PPL: variants seen among roughly 807,000 people sequenced by gnomAD.
PPL encodes periplakin.
In PPL, 198 loss-of-function variants were observed where a neutral mutation model predicts 194.4. The ratio of observed to expected loss-of-function variants is 1.02; its 90% CI spans 0.91 to 1.15. The LOEUF is 1.15. PPL is among the 50% of genes most tolerant of loss of function. PPL has a pLI of 0.00. For missense variants in PPL, 2,885 were observed against 2,294.8 expected, an observed-to-expected ratio of 1.26 and a Z score of -5.25; for synonymous variants, 1,220 against 972.4, an observed-to-expected ratio of 1.25 and a Z score of -4.74.
chr16:4,902,418 C>G lies in PPL; in HGVS notation c.426G>C (p.Val142=), dbSNP rs772718159. The G allele has an allele frequency of 6.2e-7, 1 of 1,614,028 alleles. No individual in the cohort carries two copies. Among genetic ancestry groups the G allele is most frequent in the East Asian group, 2.2e-5 (1 of 44,884 alleles). The change falls in exon 4 of 22, where the codon GTG becomes GTC. Residue 142 remains valine, a synonymous_variant. Transcript: ENST00000345988. The surrounding 1 kb of genome is among the most constrained non-coding windows in gnomAD (Gnocchi z 4.0). ...VDPQVNWAAL[V]EEKLDKLNNQ... is the part of the protein sequence containing the mutation. ...GTCCAGGCCATACCAGCTTCTCCTC[C>G]ACCAGTGCCGCCCAGTTGACCTGTG... is the stretch of plus-strand genomic sequence containing the variant.
At position 4,902,441 on chromosome 16, in the gene PPL, G is replaced by A. The variant is rs1189391668; in HGVS notation, c.403C>T (p.Gln135Ter). ...TCCACCAGTGCCGCCCAGTTGACCT[G>A]TGGATCCACTTCCTTCACCGCCAGC... Reference protein sequence around the residue: ...YRLAVKEVDPQVNWAALVEEK... With the variant: ...YRLAVKEVDP Residue 135 changes from glutamine to a stop codon, truncating the protein, a stop_gained, in exon 4 of 22, where the codon CAG (glutamine) becomes TAG (stop). Coordinates refer to ENST00000345988, the MANE Select transcript of PPL (RefSeq NM_002705.5). LOFTEE classifies it high-confidence loss of function. The surrounding 1 kb of genome is among the most constrained non-coding windows in gnomAD (Gnocchi z 4.0). 1.9e-6 allele frequency: 3 copies of A among 1,613,944 alleles called. No homozygotes were observed. Among genetic ancestry groups the A allele is most frequent in the African/African-American group, 2.7e-5 (2 of 74,926 alleles).
intron 1 of PPL, among the ~76,000 whole-genome samples, chr16:4,932,381 G>A (rs1367246533): frequency 1.3e-5 from 2 of 151,736 alleles, no homozygotes; most frequent in East Asian, 1.9e-4. Context: ...CAGCTCCCTG[G>A]TCAGCTCTGG....
rs756976475 is a variant in PPL, at chr16:4,910,892, C to T, written c.120G>A (p.Gln40=). 6.2e-7 allele frequency: 1 copy of T among 1,613,972 alleles called. No homozygotes were observed. The highest frequency in any genetic ancestry group is 8.5e-7 in the Non-Finnish European group (1 of 1,180,030). ...CTGTGTCCACGATGTTCTTCTCCACCTGGTCGGCATTCTTCTGCAGCTGCT... is the reference window on the plus strand; with the variant it reads ...CTGTGTCCACGATGTTCTTCTCCACTTGGTCGGCATTCTTCTGCAGCTGCT... ...LIEQLQKNAD[Q]VEKNIVDTEA... is the part of the protein sequence containing the mutation. Residue 40 remains glutamine (Q), a synonymous_variant, in exon 2 of 22, where the codon CAG becomes CAA. Transcript: ENST00000345988.
At chr16:4,907,403 C>A (rs377127603) in intron 2 of PPL, among the ~76,000 whole-genome samples, 4 of 151,274 alleles carry the variant, frequency 2.6e-5, no homozygotes, top group South Asian at 2.1e-4. Context: ...CTTGTAGGAT[C>A]AGGTGGTGGG....
chr16:4,905,310 C>T (rs201441855), intron 2 of PPL, among the ~76,000 whole-genome samples: 2 of 152,168 alleles, frequency 1.3e-5, no homozygotes, highest in Non-Finnish European at 1.5e-5. Flanking sequence ...GCCTGGAAGA[C>T]GTTATTCAAA....
chr16:4,933,646 C>G (rs1056127650), intron 1 of PPL, among the ~76,000 whole-genome samples: 2 of 152,134 alleles, frequency 1.3e-5, no homozygotes, highest in African/African-American at 4.8e-5. Flanking sequence ...GCTCTATGCT[C>G]CATTGCTCCT....
At chr16:4,898,713 G>T (rs1187767751) in intron 8 of PPL, among the ~76,000 whole-genome samples, 4 of 152,196 alleles carry the variant, frequency 2.6e-5, no homozygotes, top group Non-Finnish European at 5.9e-5. Context: ...AGACCTCTGA[G>T]AGAATGAATT....
intron 1 of PPL, among the ~76,000 whole-genome samples, chr16:4,919,285 T>C (rs533206206): frequency 2.6e-5 from 4 of 152,254 alleles, no homozygotes; most frequent in Non-Finnish European, 5.9e-5. Flanking sequence ...CCAGGATCAC[T>C]TGGGAGGGCA....
At chr16:4,891,650 G>A in intron 16 of PPL, 161 bp downstream of exon 16, 1 of 848,000 alleles carries the variant, frequency 1.2e-6, no homozygotes. Context: ...GAATAGCTTG[G>A]ATTTGTGCTG....
intron 14 of PPL, 26 bp downstream of exon 14, chr16:4,893,187 C>T (rs1294141500): frequency 5.3e-6 from 8 of 1,518,594 alleles, no homozygotes; most frequent in African/African-American, 1.4e-5. Context: ...CCCCCGGCCC[C>T]ACCTGTGCTC....
In PPL at chr16:4,900,954, C is replaced by T. The variant is rs1446149503; in HGVS notation, c.564+10G>A. Reference sequence around the variant, plus strand: ...TCCCTGGGTCCCCACCACACCAGCACACGCCCCACCTTGTCCCCGTCCTTG... The same window carrying T: ...TCCCTGGGTCCCCACCACACCAGCATACGCCCCACCTTGTCCCCGTCCTTG... On this transcript the variant is annotated intron_variant, in intron 5 of 21. Coordinates refer to ENST00000345988, the MANE Select transcript of PPL (RefSeq NM_002705.5). 6.2e-7 allele frequency: 1 copy of T among 1,613,952 alleles called. No homozygotes were observed. Among genetic ancestry groups the T allele is most frequent in the Non-Finnish European group, 8.5e-7 (1 of 1,179,996 alleles).
rs74003548 is a variant in PPL, at chr16:4,893,478, C to T, written c.1492+63G>A. The T allele has an allele frequency of 3.6e-4, 571 of 1,599,410 alleles. 2 individuals carry two copies. The African/African-American group carries it at 6.5e-3, about 18-fold the overall frequency. On this transcript the variant is annotated intron_variant, in intron 13 of 21. Coordinates refer to ENST00000345988, the MANE Select transcript of PPL (RefSeq NM_002705.5). ...CCCGCCGTCTCATCCACAGCACAGA[C>T]CCTGGTCCAGCCCCTCCTCCCCGGT...
chr16:4,895,149 C>A, intron 11 of PPL, 112 bp downstream of exon 11: 1 of 1,337,742 alleles, frequency 7.5e-7, no homozygotes, highest in Non-Finnish European at 9.9e-7. Flanking sequence ...AGAGTGACAC[C>A]AACCACGGAG....
chr16:4,929,537 C>T (rs2089201839), intron 1 of PPL, among the ~76,000 whole-genome samples: 1 of 152,192 alleles, frequency 6.6e-6, no homozygotes, highest in Admixed American at 6.5e-5. Context: ...CACGCATGTC[C>T]CCACCACCAC....
chr16:4,924,964 C>T (rs1000054415), intron 1 of PPL, among the ~76,000 whole-genome samples: 1 of 152,254 alleles, frequency 6.6e-6, no homozygotes, highest in African/African-American at 2.4e-5. Context: ...GCCCAGCCTG[C>T]ACTCTCCTCC....
intron 1 of PPL, among the ~76,000 whole-genome samples, chr16:4,918,707 C>T (rs765035549): frequency 3.3e-5 from 5 of 152,206 alleles, no homozygotes; most frequent in Non-Finnish European, 7.3e-5. Flanking sequence ...CCTCCGGAAG[C>T]ACAGTCTCAG....
rs1442651075 is a variant in PPL, at chr16:4,902,782, C to G, written c.318-256G>C. Among the ~76,000 whole-genome samples the G allele has an allele frequency of 6.6e-6, 1 of 152,046 alleles. No individual in the cohort carries two copies. The highest frequency in any genetic ancestry group is 1.9e-4 in the East Asian group (1 of 5,174). ...TCAGCTCATGGCAGCCTCCGCCTCC[C>G]AGGTTCAAGCAATTCTCCTGCCTCA... On this transcript the variant is annotated intron_variant, in intron 3 of 21. Coordinates refer to ENST00000345988, the MANE Select transcript of PPL (RefSeq NM_002705.5). The surrounding 1 kb of genome is among the most constrained non-coding windows in gnomAD (Gnocchi z 4.0).
intron 1 of PPL, among the ~76,000 whole-genome samples, chr16:4,916,424 C>A (rs1370483850): frequency 6.6e-6 from 1 of 152,134 alleles, no homozygotes; most frequent in Non-Finnish European, 1.5e-5. Flanking sequence ...GTTGGCCAGG[C>A]TGGTCTCGAA....
chr16:4,895,148 C>G, intron 11 of PPL, 113 bp downstream of exon 11: 3 of 1,332,806 alleles, frequency 2.3e-6, no homozygotes, highest in Non-Finnish European at 2.0e-6. Context: ...CAGAGTGACA[C>G]CAACCACGGA....
Sources: gnomAD v4.1 joint callset for allele counts (sites outside exome capture counted in the v4.1 genomes callset) on GRCh38, gnomAD v4.1.1 for gene constraint, Gnocchi (gnomAD v3.1) non-coding constraint, MANE v1.5 for transcripts, NCBI Gene and HGNC (gene_info 2026-07-23, HGNC 2026-07-21) for gene names.